TMC1: variants seen among roughly 807,000 people sequenced by gnomAD.
TMC1 encodes the protein transmembrane channel-like protein 1.
In TMC1, 84 loss-of-function variants were observed where a neutral mutation model predicts 105.8. The ratio of observed to expected loss-of-function variants is 0.79; its 90% CI spans 0.67 to 0.95. The LOEUF is 0.95. TMC1 is among the 40% of genes least tolerant of loss of function. TMC1 has a pLI of 0.00. For synonymous variants in TMC1, 315 were observed against 311.5 expected, an observed-to-expected ratio of 1.01 and a Z score of -0.12; for missense variants, 817 against 914.1, an observed-to-expected ratio of 0.89 and a Z score of 1.37.
chr9:72,531,586 A>G (rs924988215), intron 1 of TMC1, among the ~76,000 whole-genome samples: 3 of 152,200 alleles, frequency 2.0e-5, no homozygotes, highest in African/African-American at 7.2e-5. Flanking sequence ...CTTATATACT[A>G]TGGAGCTCTC....
intron 5 of TMC1, among the ~76,000 whole-genome samples, chr9:72,685,956 A>T (rs1361023817): frequency 1.3e-5 from 2 of 152,212 alleles, no homozygotes; most frequent in African/African-American, 4.8e-5. Flanking sequence ...AGCATTATAG[A>T]TTTAAAAAGA....
chr9:72,781,232 G>T (rs925104442), intron 13 of TMC1, among the ~76,000 whole-genome samples: 8 of 152,104 alleles, frequency 5.3e-5, no homozygotes, highest in African/African-American at 1.9e-4. Flanking sequence ...GGTAAACAAT[G>T]AAATTAAGGC....
At position 72,836,241 on chromosome 9, in the gene TMC1, A is replaced by G. The variant is rs1223261675; in HGVS notation, c.*268A>G. On this transcript the variant is annotated 3_prime_UTR_variant, in exon 24 of 24. Transcript: ENST00000297784. ...GTGACTTTTTTTTTTTTTTTAACAA[A>G]TTGAGTTTAGAAGTGAGTGTAATCC... The G allele has an allele frequency of 1.9e-6, 1 of 524,164 alleles. No homozygotes were observed. Among genetic ancestry groups the G allele is most frequent in the Admixed American group, 3.3e-5 (1 of 30,288 alleles). The allele number at this position is 524,164 out of a possible 1,614,324, so 32.5% of individuals were successfully genotyped here.
At chr9:72,574,173 C>A (rs7869616) in intron 1 of TMC1, among the ~76,000 whole-genome samples, 11,437 of 152,270 alleles carry the variant, frequency 0.075, 515 homozygotes, top group African/African-American at 0.1. Context: ...TGGCCATGCT[C>A]CATGCTCCAT....
intron 1 of TMC1, among the ~76,000 whole-genome samples, chr9:72,576,924 C>T (rs1049376385): frequency 1.6e-4 from 24 of 152,166 alleles, no homozygotes; most frequent in African/African-American, 5.1e-4. Context: ...CCACCGCGCC[C>T]GGTGCCCTGG....
chr9:72,737,157 A>C (rs111776772), intron 8 of TMC1, among the ~76,000 whole-genome samples: 1 of 151,956 alleles, frequency 6.6e-6, no homozygotes, highest in Non-Finnish European at 1.5e-5. Context: ...GATTTTGTGT[A>C]TTCCTACGCT....
chr9:72,753,361 T>C (rs1827615599), intron 11 of TMC1, among the ~76,000 whole-genome samples: 1 of 146,504 alleles, frequency 6.8e-6, no homozygotes, highest in South Asian at 2.3e-4. Context: ...CTGGCTACTA[T>C]GACGTTACTT....
At chr9:72,631,125 G>A (rs1268579961) in intron 4 of TMC1, among the ~76,000 whole-genome samples, 2 of 151,922 alleles carry the variant, frequency 1.3e-5, no homozygotes, top group Admixed American at 6.6e-5. Flanking sequence ...AAAAGTGCTG[G>A]GATTTGGCCT....
chr9:72,667,267 G>A (rs1826058418), intron 5 of TMC1, among the ~76,000 whole-genome samples: 1 of 152,024 alleles, frequency 6.6e-6, no homozygotes, highest in Non-Finnish European at 1.5e-5. Flanking sequence ...TTGACTTTCG[G>A]GTTCAGTGAA....
chr9:72,718,787 G>T (rs1332889401), intron 8 of TMC1, among the ~76,000 whole-genome samples: 1 of 152,162 alleles, frequency 6.6e-6, no homozygotes, highest in Non-Finnish European at 1.5e-5. Flanking sequence ...TATGAACTTT[G>T]TCTTTAGCTA....
At chr9:72,557,370 AAAACAAAC>A (rs201461606) in intron 1 of TMC1, among the ~76,000 whole-genome samples, 1 of 152,134 alleles carries the variant, frequency 6.6e-6, no homozygotes, top group Non-Finnish European at 1.5e-5. Flanking sequence ...GACTCTCAAA[AAAACAAAC>A]AAACAAAAAA....
At chr9:72,576,185 T>C (rs1824376616) in intron 1 of TMC1, among the ~76,000 whole-genome samples, 1 of 152,164 alleles carries the variant, frequency 6.6e-6, no homozygotes, top group African/African-American at 2.4e-5. Context: ...AGAAAACATA[T>C]ATCCAGTTTT....
chr9:72,769,392 G>A (rs1827889204), intron 12 of TMC1, among the ~76,000 whole-genome samples: 1 of 152,222 alleles, frequency 6.6e-6, no homozygotes, highest in Non-Finnish European at 1.5e-5. Flanking sequence ...ATAAAAGAAT[G>A]TAGTGTCTTT....
intron 2 of TMC1, among the ~76,000 whole-genome samples, chr9:72,586,010 C>A (rs4300059): frequency 0.58 from 87,868 of 152,016 alleles, 27,074 homozygotes; most frequent in African/African-American, 0.81. Context: ...GATTTCACAA[C>A]CAGCAGCTGC....
intron 18 of TMC1, among the ~76,000 whole-genome samples, chr9:72,813,923 A>G (rs1363744741): frequency 1.3e-5 from 2 of 152,158 alleles, no homozygotes; most frequent in Admixed American, 1.3e-4. Context: ...GCATCAGGCC[A>G]ATTTATAGAT....
intron 8 of TMC1, among the ~76,000 whole-genome samples, chr9:72,721,013 TG>T (rs1827014033): frequency 6.6e-6 from 1 of 152,122 alleles, no homozygotes; most frequent in Non-Finnish European, 1.5e-5. Flanking sequence ...AAAATGCAAA[TG>T]GGGGGCCCCT....
chr9:72,717,926 A>T (rs1360685614), intron 8 of TMC1, among the ~76,000 whole-genome samples: 1 of 151,956 alleles, frequency 6.6e-6, no homozygotes, highest in Non-Finnish European at 1.5e-5. Context: ...TAGGGACTCC[A>T]CTTATTCTTA....
chr9:72,733,989 C>T (rs536235193), intron 8 of TMC1, among the ~76,000 whole-genome samples: 4 of 152,254 alleles, frequency 2.6e-5, no homozygotes, highest in Non-Finnish European at 5.9e-5. Context: ...ATAAGGGTTA[C>T]TGGAACATAA....
At chr9:72,744,975 TCTC>T (rs1036257903) in intron 10 of TMC1, among the ~76,000 whole-genome samples, 3 of 152,192 alleles carry the variant, frequency 2.0e-5, no homozygotes, top group African/African-American at 7.2e-5. Flanking sequence ...CCTCTCTTCT[TCTC>T]TTCTTCTAGT....
Sources: allele counts gnomAD v4.1 joint callset (sites outside exome capture counted in the v4.1 genomes callset), GRCh38; gene constraint gnomAD v4.1.1; transcripts MANE v1.5; gene names NCBI Gene and HGNC (gene_info 2026-07-23, HGNC 2026-07-21).